The following TRIM23 variants were observed in gnomAD, a reference collection of about 807,000 sequenced individuals.
TRIM23 encodes tripartite motif containing 23, also known as E3 ubiquitin-protein ligase TRIM23.
Under a neutral mutation model 71.0 loss-of-function variants are expected in TRIM23, and 27 were observed. The ratio of observed to expected loss-of-function variants is 0.38; its 90% CI spans 0.28 to 0.52. The LOEUF is 0.52. Ranked by LOEUF, TRIM23 falls within the 20% of genes least tolerant of loss-of-function variation. TRIM23 has a pLI of 0.84. For missense variants in TRIM23, 482 were observed against 692.3 expected, an observed-to-expected ratio of 0.70 and a Z score of 3.41; for synonymous variants, 234 against 238.0, an observed-to-expected ratio of 0.98 and a Z score of 0.16.
chr5:65,618,384 T>G, intron 1 of TRIM23, 129 bp from the exon 2 acceptor site: 10 of 975,252 alleles, frequency 1.0e-5, no homozygotes, highest in Non-Finnish European at 1.4e-5. Context: ...AAAAAAAAAC[T>G]ATGTAGGTTG....
chr5:65,608,376 A>G (rs1325976613), intron 6 of TRIM23, among the ~76,000 whole-genome samples: 1 of 152,188 alleles, frequency 6.6e-6, no homozygotes, highest in African/African-American at 2.4e-5. Flanking sequence ...TAAATAGCAT[A>G]CATATCAACT....
chr5:65,600,649 AG>A (rs1419131455), intron 7 of TRIM23, among the ~76,000 whole-genome samples: 1 of 151,566 alleles, frequency 6.6e-6, no homozygotes, highest in Non-Finnish European at 1.5e-5. Flanking sequence ...AAGCAAAAAT[AG>A]ACTACATCAA....
chr5:65,616,513 G>C (rs1345518574), intron 2 of TRIM23, among the ~76,000 whole-genome samples: 1 of 151,326 alleles, frequency 6.6e-6, no homozygotes, highest in Non-Finnish European at 1.5e-5. Flanking sequence ...GTGGTGGCAG[G>C]TGCCTGTAAT....
At chr5:65,616,604 A>G (rs1754784497) in intron 2 of TRIM23, among the ~76,000 whole-genome samples, 1 of 148,998 alleles carries the variant, frequency 6.7e-6, no homozygotes, top group African/African-American at 2.5e-5. Flanking sequence ...ATCGCGCCAC[A>G]GCACTCCAGC....
In TRIM23 at chr5:65,594,661, TAAAAA is replaced by T. The variant is rs566071764; in HGVS notation, c.1421-21_1421-17del. 4.6e-6 allele frequency: 7 copies of T among 1,522,380 alleles called. No homozygotes were observed. The highest frequency in any genetic ancestry group is 4.3e-5 in the African/African-American group (3 of 70,266). 94.3% of individuals were successfully genotyped at this position (1,522,380 alleles called of 1,614,324 possible). ...AACACAACAGCTACCCAAAAAAAAA[TAAAAA>T]AAACAAAAATAGTCACTTGCTAAAG... On this transcript the variant is annotated splice_polypyrimidine_tract_variant and intron_variant, in intron 9 of 10. Transcript: ENST00000231524.
At position 65,618,691 on chromosome 5, in the gene TRIM23, A is replaced by G. The variant is rs150115061; in HGVS notation, c.82-436T>C. ...AAAATAATCTAAAATATGTACTGAG[A>G]TAACAATTACCCCTGCAAATGATAA... On this transcript the variant is annotated intron_variant, in intron 1 of 10. Coordinates refer to ENST00000231524, the MANE Select transcript of TRIM23 (RefSeq NM_001656.4). Among the ~76,000 whole-genome samples, 8 of 152,370 alleles carry G rather than the reference A, an allele frequency of 5.3e-5. No homozygotes were observed. The East Asian group carries it at 1.5e-3, about 29-fold the overall frequency.
rs940632407 is a variant in TRIM23 at position 65,591,383 on chromosome 5, CAG to C, written c.*384_*385del. 9.0e-6 allele frequency: 14 copies of C among 1,550,032 alleles called. No homozygotes were observed. The African/African-American group carries it at 9.9e-5, about 11-fold the overall frequency. ...GCAGCTATACTTCACTTGCTTCACACAGAGGTCTCATTAGGCACTCAATTGGC... is the reference window on the plus strand; with the variant it reads ...GCAGCTATACTTCACTTGCTTCACACAGGTCTCATTAGGCACTCAATTGGC... On this transcript the variant is annotated 3_prime_UTR_variant, in exon 11 of 11. Coordinates refer to ENST00000231524, the MANE Select transcript of TRIM23 (RefSeq NM_001656.4).
rs373022499 is a variant in TRIM23, at chr5:65,605,030, C to G, written c.1060G>C (p.Val354Leu). Reference protein sequence around the residue: ...KTLQQDDCRVVLAKQEITRLL... With the variant: ...KTLQQDDCRVLLAKQEITRLL... Reference sequence around the variant, plus strand: ...CTTGTAATTTCCTGTTTTGCCAAGACAACTCTACAATCATCCTATAAGAGG... The same window carrying G: ...CTTGTAATTTCCTGTTTTGCCAAGAGAACTCTACAATCATCCTATAAGAGG... The change falls in exon 7 of 11, where the codon GTC (valine) becomes CTC (leucine). Residue 354 changes from valine to leucine, a missense_variant. Val to Leu is a conservative substitution (Grantham distance 32). Transcript: ENST00000231524. The G allele has an allele frequency of 6.2e-7, 1 of 1,613,210 alleles. No individual in the cohort carries two copies. The highest frequency in any genetic ancestry group is 8.5e-7 in the Non-Finnish European group (1 of 1,179,868).
At chr5:65,592,560 A>T (rs1754073770) in intron 10 of TRIM23, among the ~76,000 whole-genome samples, 1 of 152,174 alleles carries the variant, frequency 6.6e-6, no homozygotes, top group South Asian at 2.1e-4. Flanking sequence ...TAAAAAAAAA[A>T]AATTAACACA....
rs1156627925 is a variant in TRIM23 at position 65,589,734 on chromosome 5, T to C, written c.*2035A>G. On this transcript the variant is annotated 3_prime_UTR_variant, in exon 11 of 11. Coordinates refer to ENST00000231524, the MANE Select transcript of TRIM23 (RefSeq NM_001656.4). ...CTGTCTATACTTATCATATATGTAG[T>C]GCAAATAATGGCTTCTGATGGTTAT... The C allele has an allele frequency of 6.6e-6, 1 of 152,408 alleles. No homozygotes were observed. The highest frequency in any genetic ancestry group is 2.4e-5 in the African/African-American group (1 of 41,442). 9.4% of individuals were successfully genotyped at this position (152,408 alleles called of 1,614,324 possible). A position where few individuals can be genotyped will look rare whatever the true frequency, so the allele number is the denominator to read the frequency against.
rs566517802 is a variant in TRIM23, at chr5:65,623,467, G to C, written c.81+727C>G. On this transcript the variant is annotated intron_variant, in intron 1 of 10. Transcript: ENST00000231524. ...TATCTTTCCGTGCACAACAGTGGAAGGGAAAAATGAGTGCCACATATTTCA... is the reference window on the plus strand; with the variant it reads ...TATCTTTCCGTGCACAACAGTGGAACGGAAAAATGAGTGCCACATATTTCA... 1.2e-4 allele frequency among the ~76,000 whole-genome samples: 18 copies of C among 152,268 alleles called. No individual in the cohort carries two copies. The East Asian group carries it at 3.5e-3, about 29-fold the overall frequency.
At chr5:65,609,766 C>T (rs1326089890) in intron 5 of TRIM23, among the ~76,000 whole-genome samples, 2 of 152,150 alleles carry the variant, frequency 1.3e-5, no homozygotes, top group Non-Finnish European at 2.9e-5. Context: ...TATAAATCTC[C>T]ATGCTAGATC....
intron 10 of TRIM23, 88 bp downstream of exon 10, chr5:65,594,433 G>A: frequency 7.0e-7 from 1 of 1,433,422 alleles, no homozygotes; most frequent in Admixed American, 2.2e-5. Flanking sequence ...AATATCTATT[G>A]AACTGATTGT....
chr5:65,607,526 T>A (rs1424682491), intron 6 of TRIM23, among the ~76,000 whole-genome samples: 1 of 152,090 alleles, frequency 6.6e-6, no homozygotes, highest in Non-Finnish European at 1.5e-5. Context: ...CCCTTCGCCT[T>A]CCCCCATGAT....
At chr5:65,617,820 T>C (rs1331022728) in intron 2 of TRIM23, among the ~76,000 whole-genome samples, 1 of 152,252 alleles carries the variant, frequency 6.6e-6, no homozygotes, top group Admixed American at 6.5e-5. Context: ...TCTTATTTAT[T>C]TGAATCAGGG....
chr5:65,604,094 GTTTGT>G (rs1252224551), intron 7 of TRIM23, among the ~76,000 whole-genome samples: 1 of 151,734 alleles, frequency 6.6e-6, no homozygotes, highest in Middle Eastern at 3.4e-3. Context: ...GCCCAATTAT[GTTTGT>G]TTTGTTTTGT....
chr5:65,592,300 A>G (rs1165187418), intron 10 of TRIM23, among the ~76,000 whole-genome samples: 1 of 152,118 alleles, frequency 6.6e-6, no homozygotes, highest in East Asian at 1.9e-4. Flanking sequence ...ATCTTGGCTC[A>G]CTGCAACTTC....
At position 65,590,802 on chromosome 5, in the gene TRIM23, TAA is replaced by T; in HGVS notation, c.*965_*966del. 3 of 985,476 alleles carry T rather than the reference TAA, an allele frequency of 3.0e-6. No homozygotes were observed. The highest frequency in any genetic ancestry group is 3.6e-6 in the Non-Finnish European group (3 of 830,002). 61.0% of individuals were successfully genotyped at this position (985,476 alleles called of 1,614,324 possible). A position where few individuals can be genotyped will look rare whatever the true frequency, so the allele number is the denominator to read the frequency against. The stretch of plus-strand genomic sequence containing the variant: ...ATTTTGGGAAACAGTTTGAAGTAAG[TAA>T]TAAGCATTTGCCACTGTACTTACAA... On this transcript the variant is annotated 3_prime_UTR_variant, in exon 11 of 11. Transcript: ENST00000231524.
At chr5:65,610,570 TCA>T (rs1168463111) in intron 5 of TRIM23, among the ~76,000 whole-genome samples, 4 of 152,330 alleles carry the variant, frequency 2.6e-5, no homozygotes, top group Admixed American at 6.5e-5. Flanking sequence ...TCTTCAAATC[TCA>T]GTTTAAACAC....
Sources: gnomAD v4.1 joint callset for allele counts (sites outside exome capture counted in the v4.1 genomes callset) on GRCh38, gnomAD v4.1.1 for gene constraint, MANE v1.5 for transcripts, NCBI Gene and HGNC (gene_info 2026-07-23, HGNC 2026-07-21) for gene names.